The following DLGAP3 variants were observed in gnomAD, a reference collection of about 807,000 sequenced individuals.
The protein encoded by DLGAP3 is disks large-associated protein 3.
Under a neutral mutation model 81.2 loss-of-function variants are expected in DLGAP3, and 17 were observed. The observed-to-expected ratio is 0.21, with a 90% CI of 0.14 to 0.31. The LOEUF (loss-of-function observed/expected upper bound fraction) is 0.31. DLGAP3 is among the 10% of genes least tolerant of loss of function. The pLI is 1.00. For synonymous variants in DLGAP3, 577 were observed against 587.4 expected (o/e 0.98, Z 0.26); for missense variants, 1,124 against 1,388.0 (o/e 0.81, Z 3.02).
At chr1:34,927,722 T>G (rs1301353036) in intron 1 of DLGAP3, among the ~76,000 whole-genome samples, 2 of 143,252 alleles carry the variant, frequency 1.4e-5, no homozygotes, top group East Asian at 4.7e-4. Context: ...CTTTTAGGCA[T>G]TGGCAGCTGG....
At chr1:34,922,069 T>C (rs1639804343) in intron 1 of DLGAP3, among the ~76,000 whole-genome samples, 1 of 152,194 alleles carries the variant, frequency 6.6e-6, no homozygotes, top group Admixed American at 6.5e-5. Context: ...ACTTGTTGAA[T>C]TTTGAAACTT....
chr1:34,866,004 T>G lies in DLGAP3; in HGVS notation c.*79A>C. On this transcript the variant is annotated 3_prime_UTR_variant, in exon 12 of 12. Coordinates refer to ENST00000373347, the MANE Select transcript of DLGAP3 (RefSeq NM_001080418.3). ...GGGCGGGCGCACGGGGCGGCCCGCG[T>G]TCACAGTGACCTCGACGCTGGGTGT... 7.7e-7 allele frequency: 1 copy of G among 1,296,696 alleles called. No homozygotes were observed. The highest frequency in any genetic ancestry group is 1.1e-6 in the Non-Finnish European group (1 of 938,848). The allele number at this position is 1,296,696 out of a possible 1,614,324, so 80.3% of individuals were successfully genotyped here. A position where few individuals can be genotyped will look rare whatever the true frequency, so the allele number is the denominator to read the frequency against.
rs1419071581 is a variant in DLGAP3, at chr1:34,867,742, A to C, written c.2486-115T>G. ...GGTTGCTTGGCACTGTGTATCCATC[A>C]GTCTCCTCCAGCCCCAGCCCCATCC... On this transcript the variant is annotated intron_variant, in intron 9 of 11. Coordinates refer to ENST00000373347, the MANE Select transcript of DLGAP3 (RefSeq NM_001080418.3). This position sits in a 1 kb window ranked among gnomAD's most constrained non-coding sequence, Gnocchi z 4.3. 5 of 819,874 alleles carry C rather than the reference A, an allele frequency of 6.1e-6. No individual in the cohort carries two copies. The East Asian group carries it at 1.3e-4, about 21-fold the overall frequency. 50.8% of individuals were successfully genotyped at this position (819,874 alleles called of 1,614,324 possible). A position where few individuals can be genotyped will look rare whatever the true frequency, so the allele number is the denominator to read the frequency against.
chr1:34,865,798 T>C lies in DLGAP3; in HGVS notation c.*285A>G. On this transcript the variant is annotated 3_prime_UTR_variant, in exon 12 of 12. Coordinates refer to ENST00000373347, the MANE Select transcript of DLGAP3 (RefSeq NM_001080418.3). ...GTGGGGGAAAGAATGGCAGAGATGG[T>C]GCCCATGGGGAGGAGGTGGGGACAA... is the stretch of plus-strand genomic sequence containing the variant. 1.9e-6 allele frequency: 1 copy of C among 512,986 alleles called. No homozygotes were observed. The highest frequency in any genetic ancestry group is 3.5e-6 in the Non-Finnish European group (1 of 286,286). 31.8% of individuals were successfully genotyped at this position (512,986 alleles called of 1,614,324 possible).
At chr1:34,866,342 A>T in intron 11 of DLGAP3, 41 bp from the exon 12 acceptor site, 2 of 1,447,194 alleles carry the variant, frequency 1.4e-6, no homozygotes, top group Non-Finnish European at 1.8e-6. Flanking sequence ...GCGCCGAACC[A>T]TCCCAACACC....
intron 1 of DLGAP3, among the ~76,000 whole-genome samples, chr1:34,917,765 C>A (rs535237823): frequency 1.5e-4 from 23 of 152,298 alleles, no homozygotes; most frequent in Non-Finnish European, 2.5e-4. Context: ...CATTTAGGCA[C>A]CCACATCTGC....
chr1:34,922,000 G>C (rs1639803424), intron 1 of DLGAP3, among the ~76,000 whole-genome samples: 1 of 152,152 alleles, frequency 6.6e-6, no homozygotes, highest in African/African-American at 2.4e-5. Context: ...TATGTATGAG[G>C]CTTATGCATG....
chr1:34,903,170 A>G (rs11264173), intron 3 of DLGAP3, among the ~76,000 whole-genome samples: 52,547 of 152,062 alleles, frequency 0.35, 9,520 homozygotes, highest in Middle Eastern at 0.41. Flanking sequence ...TTTAGCCAGC[A>G]CTCAACAACT....
intron 5 of DLGAP3, among the ~76,000 whole-genome samples, chr1:34,891,140 C>A (rs191215438): frequency 2.0e-5 from 3 of 152,296 alleles, no homozygotes; most frequent in Middle Eastern, 3.4e-3. Flanking sequence ...CAAAGACATA[C>A]AACAAAGAAA....
At chr1:34,887,543 T>C (rs928346009) in intron 5 of DLGAP3, among the ~76,000 whole-genome samples, 24 of 152,090 alleles carry the variant, frequency 1.6e-4, no homozygotes, top group African/African-American at 5.3e-4. Context: ...AGAGAACTGG[T>C]GCAAAGAAAA....
chr1:34,918,031 C>A (rs1262465246), intron 1 of DLGAP3, among the ~76,000 whole-genome samples: 1 of 152,184 alleles, frequency 6.6e-6, no homozygotes, highest in African/African-American at 2.4e-5. Flanking sequence ...GGCTCGGAGG[C>A]CCAGACCAAT....
Position 34,867,120 on chromosome 1 carries a change from G to C in DLGAP3, c.2649C>G (p.Ile883Met), listed in dbSNP as rs771631823. 2.5e-6 allele frequency: 4 copies of C among 1,614,066 alleles called. No individual in the cohort carries two copies. The highest frequency in any genetic ancestry group is 3.4e-6 in the Non-Finnish European group (4 of 1,180,028). ...AGFWDLLQLSIEDVTLKFLEL... is the reference protein window; with the variant it reads ...AGFWDLLQLSMEDVTLKFLEL... ...CCAGGAACTTGAGGGTCACATCCTC[G>C]ATGGAGAGCTGTAGGAGGTCCCAGA... The change falls in exon 11 of 12, where the codon ATC (isoleucine) becomes ATG (methionine). Residue 883 changes from isoleucine (I) to methionine (M), a missense_variant. Physicochemically the swap from Ile to Met is conservative, Grantham distance 10. Transcript: ENST00000373347. This position sits in a 1 kb window ranked among gnomAD's most constrained non-coding sequence, Gnocchi z 4.3.
Position 34,867,744 on chromosome 1 carries a change from T to A in DLGAP3, c.2486-117A>T. 1 of 819,696 alleles carries A rather than the reference T, an allele frequency of 1.2e-6. No individual in the cohort carries two copies. The highest frequency in any genetic ancestry group is 2.1e-6 in the Non-Finnish European group (1 of 479,608). The allele number at this position is 819,696 out of a possible 1,614,324, so 50.8% of individuals were successfully genotyped here. On this transcript the variant is annotated intron_variant, in intron 9 of 11. Transcript: ENST00000373347. This position sits in a 1 kb window ranked among gnomAD's most constrained non-coding sequence, Gnocchi z 4.3. ...TTGCTTGGCACTGTGTATCCATCAG[T>A]CTCCTCCAGCCCCAGCCCCATCCCA... is the stretch of plus-strand genomic sequence containing the variant.
Position 34,868,967 on chromosome 1 carries a change from G to A in DLGAP3, c.2123C>T (p.Ser708Phe), listed in dbSNP as rs199537135. ...TEDKALQFGR[S>F]FQRHASEPQP... Reference sequence around the variant, plus strand: ...GGGCTCAGAGGCGTGCCTCTGGAAGGAGCGTCCAAACTGCAGGGCCTTGTC... The same window carrying A: ...GGGCTCAGAGGCGTGCCTCTGGAAGAAGCGTCCAAACTGCAGGGCCTTGTC... The change falls in exon 9 of 12, where the codon TCC (serine) becomes TTC (phenylalanine). Residue 708 changes from serine to phenylalanine, a missense_variant. Coordinates refer to ENST00000373347, the MANE Select transcript of DLGAP3 (RefSeq NM_001080418.3). This position sits in a 1 kb window ranked among gnomAD's most constrained non-coding sequence, Gnocchi z 7.5. 2.5e-6 allele frequency: 4 copies of A among 1,609,706 alleles called. No homozygotes were observed. The highest frequency in any genetic ancestry group is 1.3e-5 in the African/African-American group (1 of 75,046).
At chr1:34,877,972 A>G (rs143193208) in intron 8 of DLGAP3, among the ~76,000 whole-genome samples, 1 of 152,260 alleles carries the variant, frequency 6.6e-6, no homozygotes, top group Admixed American at 6.5e-5. Context: ...ATATACATGG[A>G]TTAAATATGT....
chr1:34,869,559 G>A (rs912193449), intron 8 of DLGAP3, among the ~76,000 whole-genome samples: 1 of 148,768 alleles, frequency 6.7e-6, no homozygotes, highest in Non-Finnish European at 1.5e-5. Flanking sequence ...GCGCGATCTC[G>A]GCTCACCGCA....
rs781285116 is a variant in DLGAP3 at position 34,902,508 on chromosome 1, C to A, written c.1107+1769G>T. Among the ~76,000 whole-genome samples, 10 of 152,092 alleles carry A rather than the reference C, an allele frequency of 6.6e-5. No individual in the cohort carries two copies. The highest frequency in any genetic ancestry group is 1.2e-4 in the Non-Finnish European group (8 of 67,990). ...TCAGATCGGGAGTCCAGCAAAGACA[C>A]CTGGCCTCATGGGGCCAGCCTCCCC... On this transcript the variant is annotated intron_variant, in intron 3 of 11. Transcript: ENST00000373347. This position sits in a 1 kb window ranked among gnomAD's most constrained non-coding sequence, Gnocchi z 4.4.
At position 34,878,125 on chromosome 1, in the gene DLGAP3, C is replaced by T. The variant is rs146693850; in HGVS notation, c.2000+6853G>A. ...TTCGCGACCAGCCTGGCCAACATGG[C>T]GAAACCCTGTCTCTCCTAAAAATAC... On this transcript the variant is annotated intron_variant, in intron 8 of 11. Coordinates refer to ENST00000373347, the MANE Select transcript of DLGAP3 (RefSeq NM_001080418.3). Among the ~76,000 whole-genome samples, 1,052 of 152,092 alleles carry T rather than the reference C, an allele frequency of 6.9e-3. 3 individuals are homozygous for T. Among genetic ancestry groups the T allele is most frequent in the African/African-American group, 0.023 (963 of 41,480 alleles).
intron 1 of DLGAP3, among the ~76,000 whole-genome samples, chr1:34,920,776 T>C (rs1158403960): frequency 6.6e-6 from 1 of 152,194 alleles, no homozygotes; most frequent in Non-Finnish European, 1.5e-5. Flanking sequence ...AATACTCTTC[T>C]GGACACTGTA....
Sources: gnomAD v4.1 joint callset for allele counts (sites outside exome capture counted in the v4.1 genomes callset) on GRCh38, gnomAD v4.1.1 for gene constraint, Gnocchi (gnomAD v3.1) non-coding constraint, MANE v1.5 for transcripts, NCBI Gene and HGNC (gene_info 2026-07-23, HGNC 2026-07-21) for gene names.